FGF14: variants seen among roughly 807,000 people sequenced by gnomAD.
FGF14 encodes fibroblast growth factor 14, also known as fibroblast growth factor homologous factor 4.
Under a neutral mutation model 25.5 loss-of-function variants are expected in FGF14, and 5 were observed. That is an observed-to-expected ratio of 0.20 (90% CI 0.10 to 0.41). The LOEUF is 0.41. FGF14 is among the 10% of genes least tolerant of loss of function. The pLI is 1.00. For synonymous variants in FGF14, 138 were observed against 118.3 expected (o/e 1.17, Z -1.08); for missense variants, 222 against 320.1 (o/e 0.69, Z 2.34).
chr13:102,054,775 G>A (rs1448633971), intron 1 of FGF14, among the ~76,000 whole-genome samples: 1 of 152,180 alleles, frequency 6.6e-6, no homozygotes, highest in East Asian at 1.9e-4. Flanking sequence ...TCCCACCACA[G>A]AGCAAGGTGT....
At chr13:101,763,714 G>GTGAAAAT (rs1315047629) in intron 3 of FGF14, among the ~76,000 whole-genome samples, 2 of 152,074 alleles carry the variant, frequency 1.3e-5, no homozygotes, top group Non-Finnish European at 2.9e-5. Flanking sequence ...ACAAAAACTA[G>GTGAAAAT]CCAGGTGTGG....
At chr13:101,797,772 T>TGCGTGTGTGTGC (rs1555384574) in intron 3 of FGF14, among the ~76,000 whole-genome samples, 1 of 145,556 alleles carries the variant, frequency 6.9e-6, no homozygotes, top group Non-Finnish European at 1.5e-5. Context: ...TGTGTGTGTG[T>TGCGTGTGTGTGC]GTGTGTGTGT....
intron 3 of FGF14, among the ~76,000 whole-genome samples, chr13:101,841,083 G>A (rs192655454): frequency 1.3e-5 from 2 of 151,958 alleles, no homozygotes; most frequent in East Asian, 1.9e-4. Context: ...TCCAAGTTTG[G>A]TGTCCCCTTG....
intron 1 of FGF14, among the ~76,000 whole-genome samples, chr13:102,160,988 TCTG>T (rs1302475377): frequency 6.6e-6 from 1 of 152,168 alleles, no homozygotes; most frequent in African/African-American, 2.4e-5. Flanking sequence ...TGCGTGCATT[TCTG>T]CTTAGAGGAT....
intron 3 of FGF14, among the ~76,000 whole-genome samples, chr13:101,822,461 T>C (rs989131293): frequency 2.0e-5 from 3 of 149,626 alleles, no homozygotes; most frequent in African/African-American, 7.4e-5. Context: ...GACATTTCCA[T>C]ATAAATTTTA....
At chr13:101,727,599 TTATTAA>T (rs2035527802) in intron 3 of FGF14, among the ~76,000 whole-genome samples, 2 of 152,188 alleles carry the variant, frequency 1.3e-5, no homozygotes, top group Admixed American at 1.3e-4. Flanking sequence ...TTTACAATTA[TTATTAA>T]TGTCAGAAAT....
chr13:102,057,967 T>C (rs1041275068), intron 1 of FGF14, among the ~76,000 whole-genome samples: 2 of 152,190 alleles, frequency 1.3e-5, no homozygotes, highest in Non-Finnish European at 2.9e-5. Flanking sequence ...CCACTGATAA[T>C]CACATTACTT....
chr13:102,362,376 A>G (rs955175244), intron 1 of FGF14, among the ~76,000 whole-genome samples: 1 of 152,120 alleles, frequency 6.6e-6, no homozygotes, highest in African/African-American at 2.4e-5. Flanking sequence ...TATCTCCTCT[A>G]TGGACTCTTC....
At chr13:102,212,439 C>T (rs1310270058) in intron 1 of FGF14, among the ~76,000 whole-genome samples, 1 of 152,132 alleles carries the variant, frequency 6.6e-6, no homozygotes, top group African/African-American at 2.4e-5. Context: ...CTTCACCTCC[C>T]ACAGGAGAGC....
chr13:101,980,751 A>G (rs898139471), intron 1 of FGF14, among the ~76,000 whole-genome samples: 1 of 152,164 alleles, frequency 6.6e-6, no homozygotes, highest in Non-Finnish European at 1.5e-5. Flanking sequence ...TTACATCTAC[A>G]TTTCACAGCA....
chr13:102,062,265 C>T (rs561537985), intron 1 of FGF14, among the ~76,000 whole-genome samples: 39 of 152,034 alleles, frequency 2.6e-4, no homozygotes, highest in African/African-American at 8.7e-4. Context: ...AAATAGAAAA[C>T]TCTACTTACT....
At chr13:101,781,122 C>G (rs185433892) in intron 3 of FGF14, among the ~76,000 whole-genome samples, 1 of 130,816 alleles carries the variant, frequency 7.6e-6, no homozygotes, top group Non-Finnish European at 1.6e-5. Context: ...TCCCCCTGCT[C>G]TCTCTTTGTC....
At chr13:101,995,099 T>C (rs2039111229) in intron 1 of FGF14, among the ~76,000 whole-genome samples, 2 of 152,154 alleles carry the variant, frequency 1.3e-5, no homozygotes, top group South Asian at 4.1e-4. Context: ...GAGCATATTG[T>C]TAAAGTATCA....
At chr13:102,143,739 T>C (rs1160149502) in intron 1 of FGF14, among the ~76,000 whole-genome samples, 2 of 152,182 alleles carry the variant, frequency 1.3e-5, no homozygotes, top group African/African-American at 4.8e-5. Flanking sequence ...GACACTATGT[T>C]TCAGACCTCT....
chr13:102,146,441 G>C (rs911353802), intron 1 of FGF14, among the ~76,000 whole-genome samples: 1 of 152,146 alleles, frequency 6.6e-6, no homozygotes, highest in African/African-American at 2.4e-5. Flanking sequence ...ATGTGCAAGA[G>C]AACTTAAATA....
chr13:102,182,357 G>A (rs1466551940), intron 1 of FGF14, among the ~76,000 whole-genome samples: 5 of 152,256 alleles, frequency 3.3e-5, no homozygotes, highest in African/African-American at 4.8e-5. Context: ...GAGCCCTGCC[G>A]ACGCCTTGAT....
At chr13:101,954,156 A>G (rs531069569) in intron 1 of FGF14, among the ~76,000 whole-genome samples, 2 of 152,302 alleles carry the variant, frequency 1.3e-5, no homozygotes, top group South Asian at 4.1e-4. Context: ...ACATTCCCAT[A>G]GAACTAAATG....
intron 3 of FGF14, among the ~76,000 whole-genome samples, chr13:101,848,959 T>C (rs1351087769): frequency 6.6e-6 from 1 of 152,098 alleles, no homozygotes; most frequent in Non-Finnish European, 1.5e-5. Context: ...TTGGTATAAA[T>C]GAAAAAAAGT....
rs1000188118 is a variant in FGF14, at chr13:101,713,354, A to T, written c.*9477T>A. The T allele has an allele frequency of 6.6e-6, 1 of 152,272 alleles. No individual in the cohort carries two copies. The highest frequency in any genetic ancestry group is 1.5e-5 in the Non-Finnish European group (1 of 68,016). The allele number at this position is 152,272 out of a possible 1,614,324, so 9.4% of individuals were successfully genotyped here. ...AATGATTGATTCTTGCCCCTTTTCA[A>T]TATATTTTGAACTTACCAATTCTGC... On this transcript the variant is annotated 3_prime_UTR_variant, in exon 5 of 5. Coordinates refer to ENST00000376143, the MANE Select transcript of FGF14 (RefSeq NM_004115.4).
Sources: allele counts gnomAD v4.1 joint callset (sites outside exome capture counted in the v4.1 genomes callset), GRCh38; gene constraint gnomAD v4.1.1; transcripts MANE v1.5; gene names NCBI Gene and HGNC (gene_info 2026-07-23, HGNC 2026-07-21).